Variants in MCM5 observed in about 807,000 individuals in gnomAD.
MCM5 encodes DNA replication licensing factor MCM5.
MCM5 carries 46 observed loss-of-function variants against 79.9 expected under a neutral mutation model. The observed-to-expected ratio is 0.58, with a 90% CI of 0.45 to 0.74. MCM5 has a LOEUF of 0.74. Ranked by LOEUF, MCM5 falls within the 30% of genes least tolerant of loss-of-function variation. MCM5 has a pLI of 0.00. For synonymous variants in MCM5, 404 were observed against 390.5 expected, an observed-to-expected ratio of 1.03 and a Z score of -0.41; for missense variants, 883 against 1,017.0, an observed-to-expected ratio of 0.87 and a Z score of 1.79.
downstream of MCM5, among the ~76,000 whole-genome samples, chr22:35,428,672 C>T (rs1187027313): frequency 1.3e-5 from 2 of 152,274 alleles, no homozygotes; most frequent in South Asian, 2.1e-4. Context: ...TGTTTCTGCA[C>T]GTGGTCAGGT....
chr22:35,431,998 C>G, the MCM5 span, among the ~76,000 whole-genome samples: 1 of 152,120 alleles, frequency 6.6e-6, no homozygotes, highest in African/African-American at 2.4e-5. Flanking sequence ...TTGATTCATC[C>G]GTTTGTGTCA....
At chr22:35,410,634 G>A in intron 6 of MCM5, 110 bp from the exon 7 acceptor site, 1 of 1,081,238 alleles carries the variant, frequency 9.2e-7, no homozygotes, top group Non-Finnish European at 1.4e-6. Flanking sequence ...GGTGCCTGTG[G>A]CAAAAATGCT....
At chr22:35,421,239 A>G in intron 14 of MCM5, 79 bp from the exon 15 acceptor site, 3 of 1,481,326 alleles carry the variant, frequency 2.0e-6, no homozygotes, top group Non-Finnish European at 2.7e-6. Flanking sequence ...TTGGGCAAGC[A>G]CCTCCCTGGT....
At chr22:35,406,296 A>AACCCCC (rs1555903416) in intron 4 of MCM5, among the ~76,000 whole-genome samples, 1 of 120,922 alleles carries the variant, frequency 8.3e-6, no homozygotes, top group African/African-American at 3.2e-5. Flanking sequence ...TTGCCCTGCC[A>AACCCCC]CCTCCCCCCC....
intron 16 of MCM5, chr22:35,423,913 T>A (rs1932752497): frequency 2.0e-6 from 1 of 488,338 alleles, no homozygotes; most frequent in Non-Finnish European, 3.6e-6. Flanking sequence ...GTTTAGAGCT[T>A]CGGTTCTAGA....
At chr22:35,417,157 A>G (rs1179057118) in intron 12 of MCM5, among the ~76,000 whole-genome samples, 1 of 152,186 alleles carries the variant, frequency 6.6e-6, no homozygotes, top group Non-Finnish European at 1.5e-5. Flanking sequence ...TTTTTCAAAG[A>G]AAAAAACATA....
At chr22:35,404,609 G>A (rs1227115078) in intron 4 of MCM5, among the ~76,000 whole-genome samples, 1 of 152,172 alleles carries the variant, frequency 6.6e-6, no homozygotes, top group African/African-American at 2.4e-5. Flanking sequence ...CATCCACTAT[G>A]CTGAGACTGA....
At chr22:35,401,322 A>G (rs146791778) in intron 2 of MCM5, 2 of 453,330 alleles carry the variant, frequency 4.4e-6, no homozygotes, top group African/African-American at 2.0e-5. Context: ...AAAGGTGAAG[A>G]TGGCAGTTAG....
intron 2 of MCM5, among the ~76,000 whole-genome samples, chr22:35,400,928 T>C (rs1484890204): frequency 2.0e-5 from 3 of 152,248 alleles, no homozygotes; most frequent in African/African-American, 7.2e-5. Flanking sequence ...CAAGCGATTC[T>C]TGTGCCTCAG....
the MCM5 span, among the ~76,000 whole-genome samples, chr22:35,448,373 TGGCCCCCTCTGCAGAGTCC>T: frequency 7.1e-6 from 1 of 141,520 alleles, no homozygotes; most frequent in African/African-American, 3.1e-5. Context: ...GCTTCCCCAC[TGGCCCCCTCTGCAGAGTCC>T]TCCCCACTGC....
At chr22:35,432,877 C>T in the MCM5 span, among the ~76,000 whole-genome samples, 1 of 151,752 alleles carries the variant, frequency 6.6e-6, no homozygotes, top group African/African-American at 2.4e-5. Flanking sequence ...GCAGGTGTCT[C>T]GGGGGCAGAT....
At chr22:35,443,156 G>A in the MCM5 span, among the ~76,000 whole-genome samples, 1 of 152,172 alleles carries the variant, frequency 6.6e-6, no homozygotes, top group Non-Finnish European at 1.5e-5. Flanking sequence ...ATTGCCACAT[G>A]AGCATGAGTG....
chr22:35,424,083 T>C (rs1248294295), intron 16 of MCM5, 71 bp from the exon 17 acceptor site: 11 of 994,566 alleles, frequency 1.1e-5, no homozygotes, highest in Non-Finnish European at 1.7e-5. Context: ...CCCGTGAGCC[T>C]GGGGATGTCT....
chr22:35,423,394 G>C (rs1224438834), intron 16 of MCM5, 53 bp downstream of exon 16: 4 of 1,535,760 alleles, frequency 2.6e-6, no homozygotes, highest in Non-Finnish European at 2.7e-6. Context: ...CAGGTCTTCT[G>C]CTGGTTCCCA....
At chr22:35,417,662 C>T in intron 12 of MCM5, 82 bp from the exon 13 acceptor site, 3 of 987,274 alleles carry the variant, frequency 3.0e-6, no homozygotes, top group South Asian at 1.3e-5. Flanking sequence ...CCCATCAGCT[C>T]TTTCTGGCTG....
chr22:35,454,644 C>T, the MCM5 span, among the ~76,000 whole-genome samples: 9 of 152,232 alleles, frequency 5.9e-5, no homozygotes, highest in African/African-American at 2.2e-4. Flanking sequence ...TGATTTTGGA[C>T]ACCTTCCTTG....
chr22:35,435,262 T>A, the MCM5 span, among the ~76,000 whole-genome samples: 1 of 152,288 alleles, frequency 6.6e-6, no homozygotes, highest in Admixed American at 6.5e-5. Flanking sequence ...CAGACAGACC[T>A]GAGCTGTGTG....
At chr22:35,438,799 CCA>C in the MCM5 span, among the ~76,000 whole-genome samples, 7 of 149,584 alleles carry the variant, frequency 4.7e-5, no homozygotes, top group South Asian at 4.3e-4. Context: ...ATCCATCCAT[CCA>C]TCCATCCATC....
chr22:35,445,325 C>CT, the MCM5 span, among the ~76,000 whole-genome samples: 300 of 83,610 alleles, frequency 3.6e-3, 22 homozygotes, highest in East Asian at 0.012. Flanking sequence ...TTTGACTATG[C>CT]TTTTTTTTTT....
Sources: gnomAD v4.1 joint callset for allele counts (sites outside exome capture counted in the v4.1 genomes callset) on GRCh38, gnomAD v4.1.1 for gene constraint, MANE v1.5 for transcripts, NCBI Gene and HGNC (gene_info 2026-07-23, HGNC 2026-07-21) for gene names.